The following PTCSC3 variants were observed in gnomAD, a reference collection of about 807,000 sequenced individuals.
PTCSC3 encodes papillary thyroid carcinoma susceptibility candidate 3 (non-protein coding).
At chr14:36,150,931 G>A (rs1227432508) in intron 3 of PTCSC3, among the ~76,000 whole-genome samples, 1 of 103,488 alleles carries the variant, frequency 9.7e-6, no homozygotes, top group Admixed American at 8.6e-5. Flanking sequence ...GAATAAGAAA[G>A]GTATTTTTTT....
At chr14:36,136,523 A>G (rs1881291724) in intron 3 of PTCSC3, among the ~76,000 whole-genome samples, 1 of 152,120 alleles carries the variant, frequency 6.6e-6, no homozygotes, top group Non-Finnish European at 1.5e-5. Context: ...GGTAAGAGAG[A>G]GGGTAGCCAG....
intron 1 of PTCSC3, among the ~76,000 whole-genome samples, chr14:36,175,234 A>C (rs1882262345): frequency 6.6e-6 from 1 of 152,176 alleles, no homozygotes; most frequent in African/African-American, 2.4e-5. Flanking sequence ...AATTGTCTCC[A>C]GGCACAGAGC....
intron 1 of PTCSC3, among the ~76,000 whole-genome samples, chr14:36,163,502 GA>G (rs1882017737): frequency 6.6e-6 from 1 of 151,844 alleles, no homozygotes; most frequent in African/African-American, 2.4e-5. Context: ...AGGAAGGGAG[GA>G]AAAAAGAAAA....
intron 3 of PTCSC3, among the ~76,000 whole-genome samples, chr14:36,152,172 TTACA>T (rs1881738136): frequency 6.6e-6 from 1 of 152,100 alleles, no homozygotes. Context: ...TTCTACAATA[TTACA>T]TACAAATATA....
intron 1 of PTCSC3, among the ~76,000 whole-genome samples, chr14:36,168,914 C>T (rs1464998462): frequency 3.3e-5 from 5 of 152,098 alleles, no homozygotes; most frequent in African/African-American, 1.2e-4. Context: ...AACCACTGTG[C>T]CTGGCTAGAA....
intron 2 of PTCSC3, among the ~76,000 whole-genome samples, chr14:36,157,652 C>G (rs1482592792): frequency 6.6e-6 from 1 of 151,764 alleles, no homozygotes; most frequent in Non-Finnish European, 1.5e-5. Context: ...ATAGGGAATC[C>G]TTTCCCCATT....
chr14:36,167,242 A>G (rs1322423035), intron 1 of PTCSC3, among the ~76,000 whole-genome samples: 2 of 152,172 alleles, frequency 1.3e-5, no homozygotes, highest in Non-Finnish European at 1.5e-5. Flanking sequence ...TGAAATCTTA[A>G]TTATTTTCTA....
chr14:36,162,258 GAAAAAA>G (rs58223160), intron 2 of PTCSC3, among the ~76,000 whole-genome samples: 7 of 106,540 alleles, frequency 6.6e-5, no homozygotes, highest in Non-Finnish European at 1.0e-4. Flanking sequence ...CTGGGGTATG[GAAAAAA>G]AAAAAAAAAA....
downstream of PTCSC3, among the ~76,000 whole-genome samples, chr14:36,135,770 C>A: frequency 6.6e-6 from 1 of 152,100 alleles, no homozygotes; most frequent in East Asian, 1.9e-4. Context: ...GATATTGCTA[C>A]TGTGAGCATA....
intron 3 of PTCSC3, among the ~76,000 whole-genome samples, chr14:36,139,342 T>C (rs1881368323): frequency 6.6e-6 from 1 of 152,194 alleles, no homozygotes; most frequent in African/African-American, 2.4e-5. Flanking sequence ...CAAAGCCAGA[T>C]GTAAAACAGC....
At chr14:36,158,907 A>G (rs1379387910) in intron 2 of PTCSC3, among the ~76,000 whole-genome samples, 1 of 152,184 alleles carries the variant, frequency 6.6e-6, no homozygotes, top group Non-Finnish European at 1.5e-5. Flanking sequence ...TTGGTAGGCT[A>G]TTAATTACTG....
At chr14:36,162,222 C>T (rs12888631) in intron 2 of PTCSC3, among the ~76,000 whole-genome samples, 1 of 137,312 alleles carries the variant, frequency 7.3e-6, no homozygotes, top group South Asian at 2.4e-4. Flanking sequence ...GTGAACAGTT[C>T]TGTCTCACTG....
intron 2 of PTCSC3, among the ~76,000 whole-genome samples, chr14:36,157,741 CTCTT>C (rs1275279808): frequency 2.6e-5 from 4 of 152,018 alleles, no homozygotes; most frequent in African/African-American, 9.7e-5. Flanking sequence ...CTATAATGGG[CTCTT>C]TTTTTGGTTC....
At chr14:36,170,028 G>C (rs1338124294) in intron 1 of PTCSC3, among the ~76,000 whole-genome samples, 1 of 152,104 alleles carries the variant, frequency 6.6e-6, no homozygotes, top group Non-Finnish European at 1.5e-5. Flanking sequence ...CTGGGAAATG[G>C]GCAGTGTTCT....
intron 3 of PTCSC3, among the ~76,000 whole-genome samples, chr14:36,151,377 C>G (rs1161905191): frequency 6.6e-6 from 1 of 150,614 alleles, no homozygotes; most frequent in Non-Finnish European, 1.5e-5. Context: ...GGTATTCGTT[C>G]CCTTGGTATT....
chr14:36,140,932 T>C (rs1881404651), intron 3 of PTCSC3, among the ~76,000 whole-genome samples: 2 of 152,168 alleles, frequency 1.3e-5, no homozygotes, highest in African/African-American at 2.4e-5. Flanking sequence ...GTGTCTCGAC[T>C]TTTTTGAGGG....
At chr14:36,167,025 A>G (rs985160347) in intron 1 of PTCSC3, among the ~76,000 whole-genome samples, 2 of 152,202 alleles carry the variant, frequency 1.3e-5, no homozygotes. Context: ...GCTATACCAT[A>G]ATCTTTCTCT....
chr14:36,148,956 T>C (rs1881659162), intron 3 of PTCSC3, among the ~76,000 whole-genome samples: 1 of 152,064 alleles, frequency 6.6e-6, no homozygotes, highest in South Asian at 2.1e-4. Context: ...CTATTTTTGG[T>C]TTTGTTGATT....
intron 2 of PTCSC3, among the ~76,000 whole-genome samples, chr14:36,161,633 A>G (rs1261459630): frequency 6.6e-6 from 1 of 152,076 alleles, no homozygotes; most frequent in Non-Finnish European, 1.5e-5. Flanking sequence ...TGCCAGCTGG[A>G]GCTCTCCTGT....
Sources: allele counts gnomAD v4.1 joint callset (sites outside exome capture counted in the v4.1 genomes callset), GRCh38; gene constraint gnomAD v4.1.1; transcripts MANE v1.5; gene names NCBI Gene and HGNC (gene_info 2026-07-23, HGNC 2026-07-21).